The following ZFAT variants were observed in gnomAD, a reference collection of about 807,000 sequenced individuals.
ZFAT encodes zinc finger protein ZFAT.
Under a neutral mutation model 117.7 loss-of-function variants are expected in ZFAT, and 64 were observed. The observed-to-expected ratio is 0.54, with a 90% CI of 0.44 to 0.67. The LOEUF (loss-of-function observed/expected upper bound fraction) is 0.67. ZFAT is among the 30% of genes least tolerant of loss of function. The probability of loss-of-function intolerance (pLI) is 0.00; values close to 1 mark genes in which losing one functional copy is unlikely to be tolerated. For missense variants in ZFAT, 1,433 were observed against 1,584.5 expected (o/e 0.90, Z 1.62); for synonymous variants, 679 against 615.0 (o/e 1.10, Z -1.54).
rs561617878 is a variant in ZFAT at position 134,695,175 on chromosome 8, C to A, written c.19+17670G>T. Among the ~76,000 whole-genome samples the A allele has an allele frequency of 9.6e-4, 146 of 152,228 alleles. 1 individual carries two copies. The highest frequency in any genetic ancestry group is 3.4e-3 in the Middle Eastern group (1 of 294). ...GGAGGAGCTCACTCCAGACCCAGGG[C>A]AAGGGGGTTGCGTCCACATCCTCCC... On this transcript the variant is annotated intron_variant, in intron 1 of 15. Transcript: ENST00000377838.
intron 3 of ZFAT, among the ~76,000 whole-genome samples, chr8:134,620,552 T>C (rs114112522): frequency 2.4e-3 from 358 of 152,280 alleles, no homozygotes; most frequent in African/African-American, 8.3e-3. Flanking sequence ...TTCTTGGGGA[T>C]TGAAGAAAGC....
the ZFAT span, chr8:134,797,220 G>A: frequency 2.0e-5 from 3 of 151,974 alleles, no homozygotes; most frequent in Admixed American, 1.3e-4. Context: ...GTTATATTAA[G>A]TATAAATAAA....
At position 134,496,302 on chromosome 8, in the gene ZFAT, C is replaced by A. The variant is rs533749862; in HGVS notation, c.3492+13317G>T. On this transcript the variant is annotated intron_variant, in intron 15 of 15. Transcript: ENST00000377838. ...GGTCACACACTATTATGTGACAGAT[C>A]CAACCCAAACAGTCTGGCTGTCTTT... 2.6e-5 allele frequency among the ~76,000 whole-genome samples: 4 copies of A among 152,352 alleles called. No individual in the cohort carries two copies. In the South Asian group the frequency reaches 8.3e-4, roughly 32 times the overall value.
At chr8:134,700,272 G>A (rs1833974513) in intron 1 of ZFAT, among the ~76,000 whole-genome samples, 1 of 152,196 alleles carries the variant, frequency 6.6e-6, no homozygotes, top group African/African-American at 2.4e-5. Flanking sequence ...CTAGGTCTCC[G>A]GGACTCCAAA....
intron 1 of ZFAT, among the ~76,000 whole-genome samples, chr8:134,664,977 T>C (rs962122752): frequency 7.2e-5 from 11 of 152,232 alleles, no homozygotes; most frequent in East Asian, 5.8e-4. Flanking sequence ...TACTCTGTAG[T>C]ATTAAAATGG....
Position 134,478,435 on chromosome 8 carries a change from C to A in ZFAT, c.*47G>T. 6.5e-7 allele frequency: 1 copy of A among 1,533,666 alleles called. No homozygotes were observed. Reference sequence around the variant, plus strand: ...GTGGCCTCCCCACCCTGGGTGCCTGCAGAGCCTGGCAGCCCCGCCCTGTGG... The same window carrying A: ...GTGGCCTCCCCACCCTGGGTGCCTGAAGAGCCTGGCAGCCCCGCCCTGTGG... On this transcript the variant is annotated 3_prime_UTR_variant, in exon 16 of 16. Transcript: ENST00000377838. This position sits in a 1 kb window ranked among gnomAD's most constrained non-coding sequence, Gnocchi z 5.2.
intron 2 of ZFAT, among the ~76,000 whole-genome samples, chr8:134,648,344 A>G (rs377008638): frequency 7.9e-5 from 12 of 152,122 alleles, no homozygotes; most frequent in East Asian, 1.9e-4. Context: ...ATTATATAAA[A>G]TATAGAAAAA....
the ZFAT span, among the ~76,000 whole-genome samples, chr8:134,742,401 A>G: frequency 2.0e-5 from 3 of 152,142 alleles, no homozygotes; most frequent in Admixed American, 6.5e-5. Context: ...TGCCATCATG[A>G]AGCCCTCATC....
Position 134,683,968 on chromosome 8 carries a change from C to A in ZFAT, c.20-26231G>T, listed in dbSNP as rs547574741. On this transcript the variant is annotated intron_variant, in intron 1 of 15. Coordinates refer to ENST00000377838, the MANE Select transcript of ZFAT (RefSeq NM_020863.4). ...AAAAACCTCTGCAGCCCCTGCAGAC[C>A]AAACTAAGCAAATCTGCAGGTTAGG... Among the ~76,000 whole-genome samples the A allele has an allele frequency of 3.7e-4, 57 of 152,232 alleles. No homozygotes were observed. The East Asian group carries it at 4.8e-3, about 13-fold the overall frequency.
At chr8:134,638,577 A>AAAAAAAAAAC (rs1563711829) in intron 2 of ZFAT, among the ~76,000 whole-genome samples, 1 of 142,924 alleles carries the variant, frequency 7.0e-6, no homozygotes, top group African/African-American at 2.6e-5. Flanking sequence ...AAAAAAAAAA[A>AAAAAAAAAAC]CATTAACCAG....
the ZFAT span, among the ~76,000 whole-genome samples, chr8:134,779,574 T>A: frequency 6.6e-6 from 1 of 152,322 alleles, no homozygotes; most frequent in South Asian, 2.1e-4. Flanking sequence ...ATATCCTAAG[T>A]GAGGTTCCCT....
chr8:134,584,784 G>A (rs1379954665), intron 9 of ZFAT, among the ~76,000 whole-genome samples: 1 of 152,152 alleles, frequency 6.6e-6, no homozygotes. Flanking sequence ...ACAGGGGCTG[G>A]GGCCGGGGGA....
intron 10 of ZFAT, among the ~76,000 whole-genome samples, chr8:134,577,336 G>A (rs1229971893): frequency 6.6e-6 from 1 of 152,190 alleles, no homozygotes; most frequent in Admixed American, 6.5e-5. Flanking sequence ...ATCACTTTAA[G>A]CCAGCAAATG....
chr8:134,486,188 A>G (rs1817641530), intron 15 of ZFAT, among the ~76,000 whole-genome samples: 1 of 152,226 alleles, frequency 6.6e-6, no homozygotes, highest in South Asian at 2.1e-4. Context: ...CATCCCTTTG[A>G]AACAAAGCTG....
chr8:134,653,292 C>CAAAAAAA, intron 2 of ZFAT, among the ~76,000 whole-genome samples: 1 of 102,584 alleles, frequency 9.7e-6, no homozygotes, highest in Middle Eastern at 4.7e-3. Flanking sequence ...AAAAAAAAAA[C>CAAAAAAA]AAAAAACAGG....
At chr8:134,612,872 C>CTCAA (rs1455762675) in intron 3 of ZFAT, among the ~76,000 whole-genome samples, 1 of 152,202 alleles carries the variant, frequency 6.6e-6, no homozygotes, top group African/African-American at 2.4e-5. Flanking sequence ...AACAAGTGAT[C>CTCAA]TCAAAGTCAC....
the ZFAT span, among the ~76,000 whole-genome samples, chr8:134,807,451 CAAAT>C: frequency 5.3e-5 from 8 of 152,014 alleles, no homozygotes; most frequent in African/African-American, 1.7e-4. Context: ...AAAAAACCCT[CAAAT>C]GAAGTAAAAT....
intron 3 of ZFAT, among the ~76,000 whole-genome samples, chr8:134,624,651 C>T (rs1035267805): frequency 6.6e-6 from 1 of 151,778 alleles, no homozygotes; most frequent in African/African-American, 2.4e-5. Context: ...GAGCAAAACT[C>T]TGTCTCAAAA....
At chr8:134,612,275 T>C (rs1444949585) in intron 3 of ZFAT, among the ~76,000 whole-genome samples, 1 of 152,210 alleles carries the variant, frequency 6.6e-6, no homozygotes, top group Non-Finnish European at 1.5e-5. Context: ...CAGAAAGTGC[T>C]GCAAGGTCGG....
Sources: allele counts gnomAD v4.1 joint callset (sites outside exome capture counted in the v4.1 genomes callset), GRCh38; gene constraint gnomAD v4.1.1; non-coding constraint Gnocchi (gnomAD v3.1); transcripts MANE v1.5; gene names NCBI Gene and HGNC (gene_info 2026-07-23, HGNC 2026-07-21).